The following NRXN3 variants were observed in gnomAD, a reference collection of about 807,000 sequenced individuals.
NRXN3 encodes neurexin III.
NRXN3 carries 32 observed loss-of-function variants against 137.6 expected under a neutral mutation model. The observed-to-expected ratio is 0.23, with a 90% CI of 0.18 to 0.31. The LOEUF (loss-of-function observed/expected upper bound fraction) is 0.31. NRXN3 is among the 10% of genes least tolerant of loss of function. The probability of loss-of-function intolerance (pLI) is 1.00; values close to 1 mark genes in which losing one functional copy is unlikely to be tolerated. For missense variants in NRXN3, 1,574 were observed against 2,062.5 expected, an observed-to-expected ratio of 0.76 and a Z score of 4.59; for synonymous variants, 798 against 784.5, an observed-to-expected ratio of 1.02 and a Z score of -0.29.
intron 4 of NRXN3, among the ~76,000 whole-genome samples, chr14:78,455,401 G>T (rs1048151938): frequency 6.6e-6 from 1 of 152,182 alleles, no homozygotes; most frequent in Non-Finnish European, 1.5e-5. Context: ...GAGCTCCTGG[G>T]CAGGGCAGGT....
At chr14:79,482,571 A>G (rs1204745189) in intron 16 of NRXN3, among the ~76,000 whole-genome samples, 6 of 152,192 alleles carry the variant, frequency 3.9e-5, no homozygotes, top group Non-Finnish European at 8.8e-5. Context: ...TGAAATGACT[A>G]TGGCCATTTC....
chr14:78,815,633 T>C (rs1402109289), intron 10 of NRXN3, among the ~76,000 whole-genome samples: 1 of 152,142 alleles, frequency 6.6e-6, no homozygotes, highest in Non-Finnish European at 1.5e-5. Context: ...TTTATTATAC[T>C]GGACTTATGG....
Position 79,364,613 on chromosome 14 carries a change from T to C in NRXN3, c.3263-102608T>C, listed in dbSNP as rs542321391. On this transcript the variant is annotated intron_variant, in intron 15 of 20. Transcript: ENST00000335750. ...GAAAAATTAATAATTAGGCAGTCTC[T>C]TTGCAAGTACATAATAATAATACTC... is the stretch of plus-strand genomic sequence containing the variant. 7.2e-5 allele frequency among the ~76,000 whole-genome samples: 11 copies of C among 152,296 alleles called. No homozygotes were observed. In the South Asian group the frequency reaches 2.3e-3, roughly 32 times the overall value.
chr14:78,619,220 G>T (rs2152494849), intron 4 of NRXN3, among the ~76,000 whole-genome samples: 1 of 152,284 alleles, frequency 6.6e-6, no homozygotes, highest in African/African-American at 2.4e-5. Context: ...TGAGGAGCCT[G>T]TTACCTGTCA....
At chr14:79,784,614 C>CT (rs540234381) in intron 19 of NRXN3, among the ~76,000 whole-genome samples, 832 of 76,562 alleles carry the variant, frequency 0.011, 10 homozygotes, top group African/African-American at 0.027. Context: ...TGTTGTGTTG[C>CT]TTTTTTTTTT....
chr14:79,709,625 T>TA (rs1218990538), intron 19 of NRXN3, among the ~76,000 whole-genome samples: 1 of 152,128 alleles, frequency 6.6e-6, no homozygotes, highest in Non-Finnish European at 1.5e-5. Context: ...TATAAATGTA[T>TA]AAAATGACAG....
At chr14:78,191,783 C>T (rs550609506) in intron 1 of NRXN3, among the ~76,000 whole-genome samples, 1 of 152,306 alleles carries the variant, frequency 6.6e-6, no homozygotes, top group Non-Finnish European at 1.5e-5. Flanking sequence ...CTCTTTAGCT[C>T]AGGGCCTCTT....
chr14:79,177,564 A>G (rs1007851375), intron 15 of NRXN3, among the ~76,000 whole-genome samples: 1 of 152,236 alleles, frequency 6.6e-6, no homozygotes, highest in Non-Finnish European at 1.5e-5. Flanking sequence ...AAACAGCCTG[A>G]GTACCCAAGG....
At chr14:78,853,976 G>C (rs1010831441) in intron 10 of NRXN3, among the ~76,000 whole-genome samples, 3 of 152,214 alleles carry the variant, frequency 2.0e-5, no homozygotes, top group Non-Finnish European at 2.9e-5. Context: ...TATTCAGGCT[G>C]TGGGTAAGAG....
chr14:78,655,213 A>G (rs904200005), intron 6 of NRXN3, among the ~76,000 whole-genome samples: 1 of 152,232 alleles, frequency 6.6e-6, no homozygotes, highest in Non-Finnish European at 1.5e-5. Flanking sequence ...CAAGGAGATA[A>G]TAAAACTTCT....
intron 8 of NRXN3, among the ~76,000 whole-genome samples, chr14:78,746,294 G>A (rs1382764029): frequency 6.6e-6 from 1 of 152,166 alleles, no homozygotes; most frequent in African/African-American, 2.4e-5. Context: ...TCATCTCAGA[G>A]CTGCCACAGC....
intron 14 of NRXN3, among the ~76,000 whole-genome samples, chr14:78,979,946 G>A (rs983930737): frequency 6.6e-6 from 1 of 152,152 alleles, no homozygotes; most frequent in African/African-American, 2.4e-5. Flanking sequence ...TGGGAATTAA[G>A]GGAGCTACAA....
chr14:79,614,055 A>C (rs1237306781), intron 16 of NRXN3, among the ~76,000 whole-genome samples: 1 of 152,234 alleles, frequency 6.6e-6, no homozygotes, highest in Admixed American at 6.5e-5. Flanking sequence ...GACTGCCAGC[A>C]CAGTTATCTG....
At chr14:79,804,852 G>T (rs1174572739) in intron 19 of NRXN3, among the ~76,000 whole-genome samples, 4 of 152,086 alleles carry the variant, frequency 2.6e-5, no homozygotes, top group African/African-American at 9.7e-5. Context: ...GGATGGGTGA[G>T]GCTTAAGTCT....
intron 1 of NRXN3, among the ~76,000 whole-genome samples, chr14:78,238,659 T>A (rs535344145): frequency 9.5e-4 from 144 of 152,348 alleles, no homozygotes; most frequent in South Asian, 2.1e-3. Context: ...GGATAGACCA[T>A]AGAGGGTTAA....
chr14:78,806,610 T>C (rs570721501), intron 9 of NRXN3, among the ~76,000 whole-genome samples: 1 of 152,348 alleles, frequency 6.6e-6, no homozygotes, highest in Non-Finnish European at 1.5e-5. Flanking sequence ...ATTTCTCTGA[T>C]GTAACATATC....
intron 10 of NRXN3, among the ~76,000 whole-genome samples, chr14:78,863,847 C>T (rs529846451): frequency 6.6e-6 from 1 of 152,058 alleles, no homozygotes; most frequent in African/African-American, 2.4e-5. Flanking sequence ...TCCTCCTCAT[C>T]ATCATTATAA....
At chr14:78,280,411 T>G (rs998494146) in intron 3 of NRXN3, among the ~76,000 whole-genome samples, 6 of 152,170 alleles carry the variant, frequency 3.9e-5, no homozygotes, top group Admixed American at 3.9e-4. Flanking sequence ...AAGTCCCTAA[T>G]TTACAATAGG....
chr14:78,693,778 C>A (rs1472971873), intron 6 of NRXN3, among the ~76,000 whole-genome samples: 1 of 150,626 alleles, frequency 6.6e-6, no homozygotes, highest in African/African-American at 2.4e-5. Flanking sequence ...TAATACCAAC[C>A]TGACCTCGTC....
Sources: gnomAD v4.1 joint callset for allele counts (sites outside exome capture counted in the v4.1 genomes callset) on GRCh38, gnomAD v4.1.1 for gene constraint, MANE v1.5 for transcripts, NCBI Gene and HGNC (gene_info 2026-07-23, HGNC 2026-07-21) for gene names.